FAM111A: variants seen among roughly 807,000 people sequenced by gnomAD.
FAM111A encodes the protein FAM111 trypsin like peptidase A.
A neutral mutation model predicts 3.3 loss-of-function variants in FAM111A; 8 were observed. That is an observed-to-expected ratio of 2.39 (90% CI 1.40 to 4.32). The LOEUF (loss-of-function observed/expected upper bound fraction) is 4.32. FAM111A is among the 30% of genes most tolerant of loss of function. The pLI is 0.00. For missense variants in FAM111A, 683 were observed against 727.6 expected (o/e 0.94, Z 0.71); for synonymous variants, 227 against 243.1 (o/e 0.93, Z 0.62).
chr11:59,151,629 C>G, intron 5 of FAM111A, 121 bp from the exon 6 acceptor site: 1 of 716,532 alleles, frequency 1.4e-6, no homozygotes, highest in Admixed American at 2.5e-5. Flanking sequence ...ATATTATTCA[C>G]TGGCCCTTTT....
At chr11:59,151,635 C>A in intron 5 of FAM111A, 115 bp from the exon 6 acceptor site, 2 of 766,296 alleles carry the variant, frequency 2.6e-6, no homozygotes, top group Non-Finnish European at 4.3e-6. Context: ...TTCACTGGCC[C>A]TTTTAGATTG....
At chr11:59,148,659 TGTTAAGG>T (rs1311655610) in intron 4 of FAM111A, 131 bp from the exon 5 acceptor site, 5 of 497,502 alleles carry the variant, frequency 1.0e-5, no homozygotes, top group Non-Finnish European at 1.8e-5. Flanking sequence ...GAGCTTTTAT[TGTTAAGG>T]TGATTATAGT....
chr11:59,144,438 G>C (rs1407191692), intron 3 of FAM111A: 2 of 152,218 alleles, frequency 1.3e-5, no homozygotes, highest in Non-Finnish European at 2.9e-5. Context: ...TATGGGACCA[G>C]ATTTTTAAAA....
At position 59,154,653 on chromosome 11, in the gene FAM111A, C is replaced by G. The variant is rs1201914027; in HGVS notation, c.*1149C>G. On this transcript the variant is annotated 3_prime_UTR_variant, in exon 6 of 6. Transcript: ENST00000675163. Reference sequence around the variant, plus strand: ...CCCTCCCTCTAGGTCCAGGGACTATCACAGAAGAAGCAGGCATGTAAGATT... The same window carrying G: ...CCCTCCCTCTAGGTCCAGGGACTATGACAGAAGAAGCAGGCATGTAAGATT... The G allele has an allele frequency of 6.6e-6, 1 of 152,194 alleles. No homozygotes were observed. Among genetic ancestry groups the G allele is most frequent in the Non-Finnish European group, 1.5e-5 (1 of 68,042 alleles). The allele number at this position is 152,194 out of a possible 1,614,324, so 9.4% of individuals were successfully genotyped here.
Position 59,153,183 on chromosome 11 carries a change from A to G in FAM111A, c.1515A>G (p.Lys505=). 6.2e-7 allele frequency: 1 copy of G among 1,614,224 alleles called. No homozygotes were observed. The highest frequency in any genetic ancestry group is 8.5e-7 in the Non-Finnish European group (1 of 1,180,044). ...GTCAGGAACGTGTTCAGTCTAAAAA[A>G]GCAGAAAGTCCAGAGTATGTCCATA... ...KKCQERVQSK[K]AESPEYVHMY... Residue 505 remains lysine (K), a synonymous_variant, in exon 6 of 6, where the codon AAA becomes AAG. Coordinates refer to ENST00000675163, the MANE Select transcript of FAM111A (RefSeq NM_001312909.2).
Position 59,153,703 on chromosome 11 carries a change from A to ATTTTTTTTT in FAM111A, c.*207_*215dup, listed in dbSNP as rs878948228. 1.5e-4 allele frequency: 49 copies of ATTTTTTTTT among 323,402 alleles called. No homozygotes were observed. Among genetic ancestry groups the ATTTTTTTTT allele is most frequent in the African/African-American group, 9.8e-4 (41 of 41,758 alleles). 20.0% of individuals were successfully genotyped at this position (323,402 alleles called of 1,614,324 possible). On this transcript the variant is annotated 3_prime_UTR_variant, in exon 6 of 6. Transcript: ENST00000675163. ...ATGAGATGGACTATAACTTGCCCAAATTTTTTTTTTTTTTTTGAGACTGAG... is the reference window on the plus strand; with the variant it reads ...ATGAGATGGACTATAACTTGCCCAAATTTTTTTTTTTTTTTTTTTTTTTTTGAGACTGAG...
At chr11:59,147,930 T>C (rs1285595353) in intron 4 of FAM111A, among the ~76,000 whole-genome samples, 1 of 152,194 alleles carries the variant, frequency 6.6e-6, no homozygotes, top group Non-Finnish European at 1.5e-5. Flanking sequence ...CATGAGATAG[T>C]TGATGAAAAG....
At chr11:59,147,319 T>C (rs1276776766) in intron 4 of FAM111A, among the ~76,000 whole-genome samples, 1 of 152,228 alleles carries the variant, frequency 6.6e-6, no homozygotes, top group East Asian at 1.9e-4. Flanking sequence ...TGTCCTGATG[T>C]TCCAGTGAGC....
rs1862039972 is a variant in FAM111A at position 59,153,903 on chromosome 11, CAG to C, written c.*400_*401del. On this transcript the variant is annotated 3_prime_UTR_variant, in exon 6 of 6. Transcript: ENST00000675163. ...TTTTTTTTTGTATTTTTAGTAGAGA[CAG>C]GGTTTCACCATGTTGGTCAGGCGGG... The C allele has an allele frequency of 6.7e-6, 1 of 150,314 alleles. No homozygotes were observed. Among genetic ancestry groups the C allele is most frequent in the South Asian group, 2.1e-4 (1 of 4,808 alleles). The allele number at this position is 150,314 out of a possible 1,614,324, so 9.3% of individuals were successfully genotyped here.
rs1565196777 is a variant in FAM111A, at chr11:59,142,916, G to A, written c.-558G>A. 6.6e-6 allele frequency: 1 copy of A among 152,082 alleles called. No individual in the cohort carries two copies. Among genetic ancestry groups the A allele is most frequent in the African/African-American group, 2.4e-5 (1 of 41,270 alleles). 9.4% of individuals were successfully genotyped at this position (152,082 alleles called of 1,614,324 possible). A position where few individuals can be genotyped will look rare whatever the true frequency, so the allele number is the denominator to read the frequency against. ...CTTTCGCTCTCGCTTTCCAATACTC[G>A]GGACTGGGGAAACCGGGAGAATAGA... is the stretch of plus-strand genomic sequence containing the variant. On this transcript the variant is annotated 5_prime_UTR_variant, in exon 1 of 6. Transcript: ENST00000675163.
rs138059861 is a variant in FAM111A at position 59,152,919 on chromosome 11, A to G, written c.1251A>G (p.Leu417=). ...GGGTGACATTTGGTTATGAAGAGCT[A>G]AAAGACAAGGAAACAAACTACTTTT... ...CVRVTFGYEE[L]KDKETNYFFV... is the part of the protein sequence containing the mutation. Residue 417 remains leucine, a synonymous_variant, in exon 6 of 6, where the codon CTA becomes CTG. Coordinates refer to ENST00000675163, the MANE Select transcript of FAM111A (RefSeq NM_001312909.2). 9.3e-6 allele frequency: 15 copies of G among 1,614,068 alleles called. No individual in the cohort carries two copies. The highest frequency in any genetic ancestry group is 1.6e-4 in the Middle Eastern group (1 of 6,084).
intron 3 of FAM111A, chr11:59,144,116 T>C (rs1470125303): frequency 6.6e-6 from 1 of 152,254 alleles, no homozygotes; most frequent in Non-Finnish European, 1.5e-5. Context: ...TGTCAAGTTA[T>C]TGTTCTCCAT....
chr11:59,146,477 A>G (rs1312188223), intron 4 of FAM111A, among the ~76,000 whole-genome samples: 2 of 152,384 alleles, frequency 1.3e-5, no homozygotes, highest in Middle Eastern at 3.4e-3. Context: ...GCCCAAGGTC[A>G]TGCAGCTAGT....
chr11:59,148,836 T>C lies in FAM111A; in HGVS notation c.-37T>C. On this transcript the variant is annotated 5_prime_UTR_variant, in exon 5 of 6. Coordinates refer to ENST00000675163, the MANE Select transcript of FAM111A (RefSeq NM_001312909.2). ...CTATAATTTGAAAATTTGAAATTAG[T>C]GTTTCAGCTGAACCATCCGTTCATC... 1 of 1,454,840 alleles carries C rather than the reference T, an allele frequency of 6.9e-7. No homozygotes were observed. Among genetic ancestry groups the C allele is most frequent in the Non-Finnish European group, 9.7e-7 (1 of 1,035,718 alleles). 90.1% of individuals were successfully genotyped at this position (1,454,840 alleles called of 1,614,324 possible).
rs71036504 is a variant in FAM111A at position 59,153,869 on chromosome 11, AT to A, written c.*382del. 0.086 allele frequency: 12,210 copies of A among 142,388 alleles called. 711 individuals carry two copies. Among genetic ancestry groups the A allele is most frequent in the African/African-American group, 0.18 (6,723 of 38,320 alleles). 8.8% of individuals were successfully genotyped at this position (142,388 alleles called of 1,614,324 possible). ...GGCAAACGCCACCACACCCAGCTAA[AT>A]TTTTTTTTTTTTTTTTGTATTTTTA... On this transcript the variant is annotated 3_prime_UTR_variant, in exon 6 of 6. Coordinates refer to ENST00000675163, the MANE Select transcript of FAM111A (RefSeq NM_001312909.2).
At position 59,152,681 on chromosome 11, in the gene FAM111A, C is replaced by CA. The variant is rs1861846592; in HGVS notation, c.1019dup (p.Asn340LysfsTer6). On this transcript the variant is annotated frameshift_variant, in exon 6 of 6. Transcript: ENST00000675163. LOFTEE classifies it low-confidence loss of function (END_TRUNC). ...CATAGAACAACGTTTGGGAAAGTAA[C>CA]AAAAAATTCTTCTTCGATTAAAGTA... 27 of 1,613,890 alleles carry CA rather than the reference C, an allele frequency of 1.7e-5. No homozygotes were observed. Among genetic ancestry groups the CA allele is most frequent in the African/African-American group, 4.0e-5 (3 of 74,912 alleles).
intron 5 of FAM111A, 41 bp downstream of exon 5, chr11:59,148,994 T>G (rs769268368): frequency 7.0e-7 from 1 of 1,428,442 alleles, no homozygotes; most frequent in African/African-American, 1.4e-5. Flanking sequence ...AGTCATCCCT[T>G]GGTATCCATG....
intron 3 of FAM111A, chr11:59,144,397 A>T (rs1288380324): frequency 6.6e-6 from 1 of 152,238 alleles, no homozygotes; most frequent in Non-Finnish European, 1.5e-5. Context: ...GTCCCTAGGC[A>T]TAAAGAAATC....
chr11:59,148,722 G>A, intron 4 of FAM111A, 75 bp from the exon 5 acceptor site: 3 of 607,128 alleles, frequency 4.9e-6, no homozygotes, highest in South Asian at 4.2e-5. Context: ...TCCAGGGAGA[G>A]CAAGGTTGGA....
Sources: gnomAD v4.1 joint callset for allele counts (sites outside exome capture counted in the v4.1 genomes callset) on GRCh38, gnomAD v4.1.1 for gene constraint, MANE v1.5 for transcripts, NCBI Gene and HGNC (gene_info 2026-07-23, HGNC 2026-07-21) for gene names.